The following ATP5MG variants were observed in gnomAD, a reference collection of about 807,000 sequenced individuals.
ATP5MG encodes ATP synthase membrane subunit g, also known as ATP synthase F(0) complex subunit g, mitochondrial.
A neutral mutation model predicts 12.7 loss-of-function variants in ATP5MG; 7 were observed. The ratio of observed to expected loss-of-function variants is 0.55; its 90% confidence interval spans 0.31 to 1.04. ATP5MG has a LOEUF of 1.04. ATP5MG is among the 50% of genes least tolerant of loss of function. The pLI, the probability that ATP5MG is intolerant of heterozygous loss-of-function variation, is 0.05. For synonymous variants in ATP5MG, 53 were observed against 48.2 expected (o/e 1.10, Z -0.41); for missense variants, 116 against 126.7 (o/e 0.92, Z 0.41).
chr11:118,407,905 G>C (rs576332890), intron 2 of ATP5MG, among the ~76,000 whole-genome samples: 6 of 152,202 alleles, frequency 3.9e-5, no homozygotes, highest in African/African-American at 1.4e-4. Context: ...GCTCACGCCT[G>C]TAATCCCAGC....
Position 118,409,016 on chromosome 11 carries a change from GTT to G in ATP5MG, c.232_233del (p.Leu78GlyfsTer4), listed in dbSNP as rs1948995392. The G allele has an allele frequency of 6.2e-7, 1 of 1,600,264 alleles. No individual in the cohort carries two copies. Among genetic ancestry groups the G allele is most frequent in the Non-Finnish European group, 8.5e-7 (1 of 1,173,436 alleles). Reference sequence around the variant, plus strand: ...TTTTTTCAGGAAGCTGTGCTGAATGGTTTGGTGGCCACTGAGGTGTTGATGTG... The same window carrying G: ...TTTTTTCAGGAAGCTGTGCTGAATGGTGGTGGCCACTGAGGTGTTGATGTG... On this transcript the variant is annotated frameshift_variant, in exon 3 of 3. Coordinates refer to ENST00000300688, the MANE Select transcript of ATP5MG (RefSeq NM_006476.5). LOFTEE classifies it high-confidence loss of function.
In ATP5MG at chr11:118,409,221, T is replaced by C. The variant is rs3194726; in HGVS notation, c.*123T>C. On this transcript the variant is annotated 3_prime_UTR_variant, in exon 3 of 3. Coordinates refer to ENST00000300688, the MANE Select transcript of ATP5MG (RefSeq NM_006476.5). ...AAAACTCAGTGTTTTCTCCATCAGATACTCCATGAAAGGTCACAATTTCTC... is the reference window on the plus strand; with the variant it reads ...AAAACTCAGTGTTTTCTCCATCAGACACTCCATGAAAGGTCACAATTTCTC... 0.074 allele frequency: 41,285 copies of C among 558,352 alleles called. 1,721 individuals are homozygous for C. Among genetic ancestry groups the C allele is most frequent in the Admixed American group, 0.093 (2,545 of 27,358 alleles). 34.6% of individuals were successfully genotyped at this position (558,352 alleles called of 1,614,324 possible). A position where few individuals can be genotyped will look rare whatever the true frequency, so the allele number is the denominator to read the frequency against.
rs782059493 is a variant in ATP5MG at position 118,409,122 on chromosome 11, A to T, written c.*24A>T. The T allele has an allele frequency of 6.6e-7, 1 of 1,504,798 alleles. No individual in the cohort carries two copies. Among genetic ancestry groups the T allele is most frequent in the Non-Finnish European group, 9.1e-7 (1 of 1,098,490 alleles). 93.2% of individuals were successfully genotyped at this position (1,504,798 alleles called of 1,614,324 possible). A position where few individuals can be genotyped will look rare whatever the true frequency, so the allele number is the denominator to read the frequency against. ...GAAGACCAATCTTTAACATCTGATTATATTTGATTTATTATTTGAGTGTTG... is the reference window on the plus strand; with the variant it reads ...GAAGACCAATCTTTAACATCTGATTTTATTTGATTTATTATTTGAGTGTTG... On this transcript the variant is annotated 3_prime_UTR_variant, in exon 3 of 3. Coordinates refer to ENST00000300688, the MANE Select transcript of ATP5MG (RefSeq NM_006476.5).
chr11:118,401,823 G>T (rs1444742267), intron 1 of ATP5MG, 106 bp downstream of exon 1: 9 of 1,379,614 alleles, frequency 6.5e-6, no homozygotes, highest in Non-Finnish European at 8.8e-6. Context: ...GCCTGCGGGT[G>T]CCGGGGCGGG....
chr11:118,404,092 C>G (rs1403263856), intron 1 of ATP5MG: 2 of 152,150 alleles, frequency 1.3e-5, no homozygotes, highest in Non-Finnish European at 2.9e-5. Context: ...GAGGACTCAA[C>G]TGGGCTGGAA....
chr11:118,401,830 C>A (rs1948930019), intron 1 of ATP5MG, 113 bp downstream of exon 1: 2 of 1,306,314 alleles, frequency 1.5e-6, no homozygotes, highest in South Asian at 1.4e-5. Context: ...GGTGCCGGGG[C>A]GGGATGGCCT....
At chr11:118,402,006 A>C in intron 1 of ATP5MG, 1 of 419,122 alleles carries the variant, frequency 2.4e-6, no homozygotes, top group Non-Finnish European at 4.3e-6. Flanking sequence ...AGCTGCAACC[A>C]TTACGCCCCC....
intron 1 of ATP5MG, 90 bp downstream of exon 1, chr11:118,401,807 C>G: frequency 1.4e-6 from 2 of 1,479,544 alleles, no homozygotes; most frequent in Non-Finnish European, 1.8e-6. Context: ...TGCGAAGACC[C>G]GAGGGGCCTG....
chr11:118,408,030 C>T (rs1297088393), intron 2 of ATP5MG, among the ~76,000 whole-genome samples: 3 of 152,068 alleles, frequency 2.0e-5, no homozygotes, highest in South Asian at 4.1e-4. Flanking sequence ...GGCGTGGTGG[C>T]GGAAGCCTGT....
chr11:118,405,696 G>T (rs1206339634), intron 1 of ATP5MG: 44 of 984,952 alleles, frequency 4.5e-5, no homozygotes, highest in Admixed American at 1.8e-4. Context: ...TTAGAGCTTT[G>T]TGTCTGCTTA....
In ATP5MG at chr11:118,405,580, CTG is replaced by C. The variant is rs781932577; in HGVS notation, c.53-1351_53-1350del. 1.2e-4 allele frequency: 94 copies of C among 806,296 alleles called. 1 individual carries two copies. The South Asian group carries it at 3.4e-3, about 29-fold the overall frequency. The allele number at this position is 806,296 out of a possible 1,614,324, so 49.9% of individuals were successfully genotyped here. On this transcript the variant is annotated intron_variant, in intron 1 of 2. Transcript: ENST00000300688. Reference sequence around the variant, plus strand: ...CATTTTTTTTTTAAGGATGAAATGTCTGTGTGTTGGAGATAATATTGACAATT... The same window carrying C: ...CATTTTTTTTTTAAGGATGAAATGTCTGTGTTGGAGATAATATTGACAATT...
At chr11:118,405,955 C>T (rs1191890846) in intron 1 of ATP5MG, among the ~76,000 whole-genome samples, 6 of 152,168 alleles carry the variant, frequency 3.9e-5, no homozygotes, top group South Asian at 2.1e-4. Flanking sequence ...CTCTGGCTCC[C>T]GTGTTCAAGC....
intron 2 of ATP5MG, chr11:118,407,626 G>C (rs1389081469): frequency 6.4e-6 from 1 of 155,850 alleles, no homozygotes; most frequent in Non-Finnish European, 1.4e-5. Context: ...CCAGTACTTT[G>C]GGAGGCCAAA....
intron 1 of ATP5MG, chr11:118,405,533 G>T: frequency 2.0e-6 from 1 of 511,404 alleles, no homozygotes; most frequent in Non-Finnish European, 2.5e-6. Context: ...CTAAAATATT[G>T]TTTATGTACA....
At chr11:118,408,199 G>C (rs1555132458) in intron 2 of ATP5MG, among the ~76,000 whole-genome samples, 1 of 152,056 alleles carries the variant, frequency 6.6e-6, no homozygotes, top group African/African-American at 2.4e-5. Flanking sequence ...CTGGAACTTG[G>C]ATTTTATTTG....
Sources: gnomAD v4.1 joint callset for allele counts (sites outside exome capture counted in the v4.1 genomes callset) on GRCh38, gnomAD v4.1.1 for gene constraint, MANE v1.5 for transcripts, NCBI Gene and HGNC (gene_info 2026-07-23, HGNC 2026-07-21) for gene names.